Variants in UBE2K observed in about 807,000 individuals in gnomAD.
The protein encoded by UBE2K is ubiquitin conjugating enzyme E2 K, also known as ubiquitin-conjugating enzyme E2 K.
Under a neutral mutation model 30.0 loss-of-function variants are expected in UBE2K, and 6 were observed. That is an observed-to-expected ratio of 0.20 (90% confidence interval 0.11 to 0.39). UBE2K has a LOEUF of 0.39. Ranked by LOEUF, UBE2K falls within the 10% of genes least tolerant of loss-of-function variation. The pLI is 1.00. For missense variants in UBE2K, 61 were observed against 241.6 expected, an observed-to-expected ratio of 0.25 and a Z score of 4.96; for synonymous variants, 86 against 83.7, an observed-to-expected ratio of 1.03 and a Z score of -0.15.
chr4:39,729,369 GTATCCAACATGTCTCAAACTGA>G (rs1719945379), intron 1 of UBE2K, among the ~76,000 whole-genome samples: 2 of 143,334 alleles, frequency 1.4e-5, no homozygotes, highest in South Asian at 4.6e-4. Context: ...CAGATACCTT[GTATCCAACATGTCTCAAACTGA>G]TTTTTCCCCT....
intron 4 of UBE2K, among the ~76,000 whole-genome samples, chr4:39,756,531 C>T (rs1361554499): frequency 6.6e-6 from 1 of 152,072 alleles, no homozygotes; most frequent in Non-Finnish European, 1.5e-5. Flanking sequence ...CAGCTCACTG[C>T]AGCCTTGACC....
At position 39,774,903 on chromosome 4, in the gene UBE2K, T is replaced by A; in HGVS notation, c.369T>A (p.Asp123Glu). The A allele has an allele frequency of 6.2e-7, 1 of 1,607,072 alleles. No homozygotes were observed. Among genetic ancestry groups the A allele is most frequent in the Non-Finnish European group, 8.5e-7 (1 of 1,174,858 alleles). The stretch of plus-strand genomic sequence containing the variant: ...CACTATTGGCAGCTGCAGAGCCAGA[T>A]GATCCACAGGATGCTGTAGTAGCAA... The part of the protein sequence containing the change: ...LQALLAAAEP[D>E]DPQDAVVANQ... Residue 123 changes from aspartate to glutamate, a missense_variant, in exon 5 of 7, where the codon GAT becomes GAA. Asp to Glu is a conservative substitution (Grantham distance 45). Coordinates refer to ENST00000261427, the MANE Select transcript of UBE2K (RefSeq NM_005339.5).
At chr4:39,774,389 C>T (rs1185252666) in intron 4 of UBE2K, among the ~76,000 whole-genome samples, 1 of 151,636 alleles carries the variant, frequency 6.6e-6, no homozygotes, top group Non-Finnish European at 1.5e-5. Flanking sequence ...GGGCGGATTA[C>T]GAGGTCAGGA....
At chr4:39,768,658 A>C (rs541396601) in intron 4 of UBE2K, among the ~76,000 whole-genome samples, 239 of 152,270 alleles carry the variant, frequency 1.6e-3, no homozygotes, top group Non-Finnish European at 2.9e-3. Flanking sequence ...CAGAGATTAC[A>C]GGCATGAACC....
At chr4:39,739,370 TTTC>T (rs2109351900) in intron 2 of UBE2K, among the ~76,000 whole-genome samples, 1 of 151,822 alleles carries the variant, frequency 6.6e-6, no homozygotes, top group South Asian at 2.1e-4. Context: ...TCTTGAATAT[TTTC>T]TTGTTTTTAA....
chr4:39,771,561 G>A (rs1376684528), intron 4 of UBE2K, among the ~76,000 whole-genome samples: 2 of 152,204 alleles, frequency 1.3e-5, no homozygotes, highest in African/African-American at 2.4e-5. Flanking sequence ...CAGCATGTAG[G>A]CGCAGGGCGG....
intron 1 of UBE2K, among the ~76,000 whole-genome samples, chr4:39,714,756 G>A (rs1198187899): frequency 4.0e-5 from 6 of 148,992 alleles, no homozygotes; most frequent in Non-Finnish European, 5.9e-5. Flanking sequence ...TTACCATGTT[G>A]GCCAGGATGG....
In UBE2K at chr4:39,782,242, A is replaced by G. The variant is rs1393877641; in HGVS notation, c.*3808A>G. 1.2e-5 allele frequency: 4 copies of G among 341,862 alleles called. No individual in the cohort carries two copies. The highest frequency in any genetic ancestry group is 2.1e-5 in the Non-Finnish European group (4 of 190,356). 21.2% of individuals were successfully genotyped at this position (341,862 alleles called of 1,614,324 possible). A position where few individuals can be genotyped will look rare whatever the true frequency, so the allele number is the denominator to read the frequency against. On this transcript the variant is annotated 3_prime_UTR_variant, in exon 7 of 7. Transcript: ENST00000261427. ...AGTTTGATTATAGGTGTGAGTGGAT[A>G]GAAATCATTACACTGTGCTGTTAAC...
At chr4:39,705,912 C>T (rs981480104) in intron 1 of UBE2K, among the ~76,000 whole-genome samples, 2 of 145,456 alleles carry the variant, frequency 1.4e-5, no homozygotes, top group Non-Finnish European at 3.0e-5. Context: ...TGCAGTGGCG[C>T]GATCTCAGCT....
chr4:39,771,442 C>CG lies in UBE2K; in HGVS notation c.300-3387dup. 6 of 1,583,844 alleles carry CG rather than the reference C, an allele frequency of 3.8e-6. No individual in the cohort carries two copies. The South Asian group carries it at 6.8e-5, about 18-fold the overall frequency. ...GACTTCACCCCAGAGGCCATTGTGGCGGGGGTGGGCAACCCTGGCCCGGTT... is the reference window on the plus strand; with the variant it reads ...GACTTCACCCCAGAGGCCATTGTGGCGGGGGGTGGGCAACCCTGGCCCGGTT... On this transcript the variant is annotated intron_variant, in intron 4 of 6. Transcript: ENST00000261427.
intron 3 of UBE2K, 27 bp from the exon 4 acceptor site, chr4:39,755,630 A>G: frequency 6.5e-7 from 1 of 1,539,068 alleles, no homozygotes; most frequent in Non-Finnish European, 8.9e-7. Context: ...CTGTTACTGA[A>G]AAACTCAAGT....
rs1235825455 is a variant in UBE2K at position 39,698,171 on chromosome 4, A to G, written c.-157A>G. The stretch of plus-strand genomic sequence containing the variant: ...TGGCCGGGCGCGGAGGTGATTCCAC[A>G]CTGAGGCGAGCGCGGCGGCCGGGGT... On this transcript the variant is annotated 5_prime_UTR_variant, in exon 1 of 7. Transcript: ENST00000261427. 5 of 752,832 alleles carry G rather than the reference A, an allele frequency of 6.6e-6. No homozygotes were observed. Among genetic ancestry groups the G allele is most frequent in the African/African-American group, 1.7e-5 (1 of 58,032 alleles). The allele number at this position is 752,832 out of a possible 1,614,324, so 46.6% of individuals were successfully genotyped here. A position where few individuals can be genotyped will look rare whatever the true frequency, so the allele number is the denominator to read the frequency against.
intron 2 of UBE2K, among the ~76,000 whole-genome samples, chr4:39,744,870 G>C (rs1456258342): frequency 6.7e-6 from 1 of 148,592 alleles, no homozygotes; most frequent in Non-Finnish European, 1.5e-5. Flanking sequence ...TCACGCCACT[G>C]CACTCCGGCC....
At chr4:39,711,165 T>C (rs1433335205) in intron 1 of UBE2K, among the ~76,000 whole-genome samples, 6 of 144,322 alleles carry the variant, frequency 4.2e-5, no homozygotes, top group South Asian at 4.3e-4. Context: ...CTTTTTCTCT[T>C]TTTTTTTTTT....
chr4:39,777,864 G>A, intron 6 of UBE2K, 54 bp downstream of exon 6: 2 of 1,352,608 alleles, frequency 1.5e-6, no homozygotes, highest in Non-Finnish European at 1.9e-6. Context: ...TTAAATTATT[G>A]CAAATTCTTG....
rs568410899 is a variant in UBE2K, at chr4:39,711,419, C to T, written c.63+13029C>T. Among the ~76,000 whole-genome samples, 1,185 of 151,812 alleles carry T rather than the reference C, an allele frequency of 7.8e-3. 31 individuals are homozygous for T. The highest frequency in any genetic ancestry group is 0.011 in the Non-Finnish European group (713 of 67,868). On this transcript the variant is annotated intron_variant, in intron 1 of 6. Transcript: ENST00000261427. ...CTTCATGATCCGCCCGCCTCGGCCT[C>T]CCAAAGTGCTGAGATTACAGGTGTG...
intron 3 of UBE2K, among the ~76,000 whole-genome samples, chr4:39,748,008 G>A (rs1302664417): frequency 9.9e-5 from 15 of 151,816 alleles, no homozygotes; most frequent in Non-Finnish European, 1.5e-5. Context: ...CACCATGTTG[G>A]CCAGGCTGGT....
At chr4:39,738,941 T>A (rs1720521089) in intron 2 of UBE2K, among the ~76,000 whole-genome samples, 1 of 151,904 alleles carries the variant, frequency 6.6e-6, no homozygotes, top group Non-Finnish European at 1.5e-5. Context: ...TCCCAAAGTG[T>A]TAGGATTACA....
chr4:39,716,795 C>G (rs1430103627), intron 1 of UBE2K, among the ~76,000 whole-genome samples: 1 of 152,012 alleles, frequency 6.6e-6, no homozygotes, highest in Non-Finnish European at 1.5e-5. Flanking sequence ...CTCAGGAATT[C>G]AAGATCAGCC....
Sources: allele counts gnomAD v4.1 joint callset (sites outside exome capture counted in the v4.1 genomes callset), GRCh38; gene constraint gnomAD v4.1.1; transcripts MANE v1.5; gene names NCBI Gene and HGNC (gene_info 2026-07-23, HGNC 2026-07-21).